Variants in RNF19B observed in about 807,000 individuals in gnomAD.
RNF19B encodes ring finger protein 19B, also known as E3 ubiquitin-protein ligase RNF19B.
A neutral mutation model predicts 65.5 loss-of-function variants in RNF19B; 23 were observed. The observed-to-expected ratio is 0.35, with a 90% CI of 0.25 to 0.50. The LOEUF is 0.50. Ranked by LOEUF, RNF19B falls within the 20% of genes least tolerant of loss-of-function variation. RNF19B has a pLI of 0.98. For synonymous variants in RNF19B, 372 were observed against 379.6 expected, an observed-to-expected ratio of 0.98 and a Z score of 0.23; for missense variants, 794 against 980.0, an observed-to-expected ratio of 0.81 and a Z score of 2.53.
Position 32,942,357 on chromosome 1 carries a change from A to C in RNF19B, c.1505T>G (p.Leu502Arg). 1.9e-6 allele frequency: 3 copies of C among 1,614,200 alleles called. No individual in the cohort carries two copies. The highest frequency in any genetic ancestry group is 2.5e-6 in the Non-Finnish European group (3 of 1,180,008). Residue 502 changes from leucine to arginine, a missense_variant, in exon 7 of 9, where the codon CTT (leucine) becomes CGT (arginine). Around this residue, in one of 3 missense-constraint regions of RNF19B, gnomAD observed 368 missense variants for 447.3 expected, o/e 0.82. Transcript: ENST00000235150. ...LSTSGSPTDG[L>R]SVMQGPYSET... is the part of the protein sequence containing the mutation. ...GCTGTAAGGACCTTGCATAACACTA[A>C]GTCCATCTGTAGGGCTTCCACTAGT...
downstream of RNF19B, among the ~76,000 whole-genome samples, chr1:32,935,896 C>G (rs565641579): frequency 6.6e-6 from 1 of 151,954 alleles, no homozygotes. Flanking sequence ...TACAGGCGTG[C>G]GCAACTACCG....
rs1464373878 is a variant in RNF19B, at chr1:32,936,610, G to GAACT, written c.*192_*195dup. ...TAAAAAGAGGGAGGGGAGGGGAGGG[G>GAACT]AACTAACGGCAAACTTTTCATGTTT... is the stretch of plus-strand genomic sequence containing the variant. On this transcript the variant is annotated 3_prime_UTR_variant, in exon 9 of 9. Transcript: ENST00000235150. 15 of 528,048 alleles carry GAACT rather than the reference G, an allele frequency of 2.8e-5. No homozygotes were observed. The East Asian group carries it at 4.4e-4, about 15-fold the overall frequency. The allele number at this position is 528,048 out of a possible 1,614,324, so 32.7% of individuals were successfully genotyped here.
In RNF19B at chr1:32,946,555, G is replaced by C. The variant is rs373827607; in HGVS notation, c.993C>G (p.Gly331=). 3 of 1,613,636 alleles carry C rather than the reference G, an allele frequency of 1.9e-6. No individual in the cohort carries two copies. Among genetic ancestry groups the C allele is most frequent in the Non-Finnish European group, 2.5e-6 (3 of 1,179,852 alleles). The stretch of plus-strand genomic sequence containing the variant: ...ATGGCTTCTTGCCCCAGAATGTACA[G>C]CCAGAGGGGCTGCAGGGGAAACAGA... ...ISDLHYLSPS[G]CTFWGKKPWS... The change falls in exon 4 of 9, where the codon GGC becomes GGG. Residue 331 remains glycine (G), a synonymous_variant. Transcript: ENST00000235150.
At position 32,937,250 on chromosome 1, in the gene RNF19B, G is replaced by A. The variant is rs1557562861; in HGVS notation, c.1752C>T (p.Asn584=). 6.2e-7 allele frequency: 1 copy of A among 1,613,856 alleles called. No homozygotes were observed. Among genetic ancestry groups the A allele is most frequent in the Non-Finnish European group, 8.5e-7 (1 of 1,180,004 alleles). The change falls in exon 9 of 9, where the codon AAC becomes AAT. Residue 584 remains asparagine, a synonymous_variant. Transcript: ENST00000235150. ...SSYNPQDREC[N]NMEIQVDIEA... The stretch of plus-strand genomic sequence containing the variant: ...CAATGTCCACTTGGATTTCCATATT[G>A]TTGCATTCTCTGTGGAGACAAAATC...
chr1:32,936,366 A>G, downstream of RNF19B: 1 of 153,832 alleles, frequency 6.5e-6, no homozygotes, highest in Non-Finnish European at 1.5e-5. Flanking sequence ...AGAAAAATTC[A>G]GGTCTAGAGA....
At chr1:32,950,404 A>G (rs1226696355) in intron 1 of RNF19B, among the ~76,000 whole-genome samples, 3 of 152,220 alleles carry the variant, frequency 2.0e-5, no homozygotes, top group East Asian at 1.9e-4. Flanking sequence ...GTAGTTTGTC[A>G]TAATAAGTTT....
rs539298546 is a variant in RNF19B at position 32,945,377 on chromosome 1, T to G, written c.1261+137A>C. On this transcript the variant is annotated intron_variant, in intron 5 of 8. Coordinates refer to ENST00000235150, the MANE Select transcript of RNF19B (RefSeq NM_001300826.2). ...TTGAAAAACTTAAAAATAATCATAA[T>G]CATGGTGCCTAACAGAATTTACTAT... The G allele has an allele frequency of 1.1e-3, 580 of 536,092 alleles. 9 individuals carry two copies. The South Asian group carries it at 0.015, about 14-fold the overall frequency. The allele number at this position is 536,092 out of a possible 1,614,324, so 33.2% of individuals were successfully genotyped here. A position where few individuals can be genotyped will look rare whatever the true frequency, so the allele number is the denominator to read the frequency against.
At chr1:32,949,857 T>C in intron 1 of RNF19B, 83 bp from the exon 2 acceptor site, 4 of 1,027,008 alleles carry the variant, frequency 3.9e-6, no homozygotes, top group Middle Eastern at 2.1e-4. Context: ...GTTAACAATG[T>C]TTGGCACTAC....
intron 2 of RNF19B, among the ~76,000 whole-genome samples, chr1:32,949,110 T>G (rs1642430794): frequency 6.6e-6 from 1 of 152,250 alleles, no homozygotes; most frequent in African/African-American, 2.4e-5. Context: ...GTGACATTCC[T>G]CCTTTTAAGG....
chr1:32,929,440 A>T, the RNF19B span, among the ~76,000 whole-genome samples: 1,958 of 152,294 alleles, frequency 0.013, 39 homozygotes, highest in African/African-American at 0.044. Flanking sequence ...AATTCGACCC[A>T]TAACACCATG....
intron 1 of RNF19B, among the ~76,000 whole-genome samples, chr1:32,961,342 T>C (rs141448612): frequency 2.0e-5 from 3 of 152,312 alleles, no homozygotes; most frequent in East Asian, 1.9e-4. Context: ...TGCGGCTATG[T>C]TGACAAGCAA....
intron 1 of RNF19B, among the ~76,000 whole-genome samples, chr1:32,951,493 G>C (rs1642498390): frequency 6.6e-6 from 1 of 152,258 alleles, no homozygotes; most frequent in South Asian, 2.1e-4. Context: ...GAGCAAAGGA[G>C]ATGCTGGAGC....
the RNF19B span, among the ~76,000 whole-genome samples, chr1:32,929,830 C>CT: frequency 6.6e-6 from 1 of 152,152 alleles, no homozygotes; most frequent in East Asian, 1.9e-4. Flanking sequence ...CACTACAGCT[C>CT]TGTTGCCTTG....
At chr1:32,963,751 T>C (rs1381476456) in intron 1 of RNF19B, among the ~76,000 whole-genome samples, 1 of 149,896 alleles carries the variant, frequency 6.7e-6, no homozygotes, top group East Asian at 1.9e-4. Context: ...AAAGATACTG[T>C]CCTCACCTCC....
At chr1:32,944,751 C>G (rs944489535) in intron 5 of RNF19B, among the ~76,000 whole-genome samples, 1 of 151,698 alleles carries the variant, frequency 6.6e-6, no homozygotes, top group Admixed American at 6.6e-5. Flanking sequence ...TGCAGTGGCA[C>G]GATCTCGGCT....
chr1:32,944,891 T>C (rs1272849372), intron 5 of RNF19B, among the ~76,000 whole-genome samples: 2 of 152,126 alleles, frequency 1.3e-5, no homozygotes, highest in African/African-American at 4.8e-5. Context: ...GGTTTCACCG[T>C]GTTAGCCAGG....
At chr1:32,929,247 G>C in the RNF19B span, among the ~76,000 whole-genome samples, 1 of 152,168 alleles carries the variant, frequency 6.6e-6, no homozygotes, top group South Asian at 2.1e-4. Context: ...CTTAGCCTAT[G>C]TGCATGTCTT....
In RNF19B at chr1:32,948,260, C is replaced by G. The variant is rs766964815; in HGVS notation, c.945G>C (p.Trp315Cys). The G allele has an allele frequency of 6.2e-7, 1 of 1,614,082 alleles. No homozygotes were observed. The highest frequency in any genetic ancestry group is 1.1e-5 in the South Asian group (1 of 91,080). The change falls in exon 3 of 9, where the codon TGG becomes TGC. Residue 315 changes from tryptophan (W) to cysteine (C), a missense_variant. This residue lies in a region of RNF19B where 52 missense variants were observed against 108.8 expected (regional missense o/e 0.48). Coordinates refer to ENST00000235150, the MANE Select transcript of RNF19B (RefSeq NM_001300826.2). ...AGTCTGAGATCTCTTTCATACAAAG[C>G]CAACAGAATTCACAGCCACACACTG... Reference protein sequence around the residue: ...TCAVCGCEFCWLCMKEISDLH... With the variant: ...TCAVCGCEFCCLCMKEISDLH...
chr1:32,943,564 C>T (rs964802919), intron 6 of RNF19B, among the ~76,000 whole-genome samples: 16 of 151,506 alleles, frequency 1.1e-4, no homozygotes, highest in African/African-American at 1.7e-4. Flanking sequence ...TGCAGTGAAC[C>T]GAGATCGCGA....
Sources: gnomAD v4.1 joint callset for allele counts (sites outside exome capture counted in the v4.1 genomes callset) on GRCh38, gnomAD v4.1.1 for gene constraint, gnomAD v4.1.1 regional missense constraint, MANE v1.5 for transcripts, NCBI Gene and HGNC (gene_info 2026-07-23, HGNC 2026-07-21) for gene names.